The following PCDHGA6 variants were observed in gnomAD, a reference collection of about 807,000 sequenced individuals.
The protein encoded by PCDHGA6 is protocadherin gamma subfamily A, 6, also known as protocadherin gamma-A6.
In PCDHGA6, 41 loss-of-function variants were observed where a neutral mutation model predicts 60.6. The ratio of observed to expected loss-of-function variants is 0.68; its 90% CI spans 0.53 to 0.88. PCDHGA6 has a LOEUF of 0.88. Ranked by LOEUF, PCDHGA6 falls within the 40% of genes least tolerant of loss-of-function variation. The pLI is 0.00. For synonymous variants in PCDHGA6, 594 were observed against 524.4 expected (o/e 1.13, Z -1.81); for missense variants, 1,312 against 1,203.0 (o/e 1.09, Z -1.34).
At chr5:141,409,776 T>C in intron 1 of PCDHGA6, 1 of 1,612,708 alleles carries the variant, frequency 6.2e-7, no homozygotes, top group Non-Finnish European at 8.5e-7. Context: ...CACGAGCAGC[T>C]GCGCGCCTTC....
At chr5:141,422,142 G>T in intron 1 of PCDHGA6, 1 of 1,583,694 alleles carries the variant, frequency 6.3e-7, no homozygotes, top group Non-Finnish European at 8.5e-7. Flanking sequence ...TTCAAGTACG[G>T]GGGTCTCTGG....
chr5:141,438,635 TACACAC>T (rs56854727), intron 1 of PCDHGA6, among the ~76,000 whole-genome samples: 557 of 33,182 alleles, frequency 0.017, 8 homozygotes, highest in South Asian at 0.028. Flanking sequence ...TATATATATA[TACACAC>T]ACACACACAC....
chr5:141,465,627 A>C lies in PCDHGA6; in HGVS notation c.2425-29180A>C, dbSNP rs370355596. 1.1e-4 allele frequency among the ~76,000 whole-genome samples: 17 copies of C among 152,326 alleles called. 1 individual carries two copies. The South Asian group carries it at 3.3e-3, about 30-fold the overall frequency. On this transcript the variant is annotated intron_variant, in intron 1 of 3. Coordinates refer to ENST00000517434, the MANE Select transcript of PCDHGA6 (RefSeq NM_018919.3). ...TCTTTGGCCCTCCAGGAAGTCAACCAGCAAAATGCTTTGAACATCCCAAAA... is the reference window on the plus strand; with the variant it reads ...TCTTTGGCCCTCCAGGAAGTCAACCCGCAAAATGCTTTGAACATCCCAAAA...
chr5:141,422,723 G>A lies in PCDHGA6; in HGVS notation c.2424+46216G>A. The stretch of plus-strand genomic sequence containing the variant: ...TCTCTGACGGATGACACTGTCCAGG[G>A]GGTGCCTCTGTCCTCCTATGTCTCT... On this transcript the variant is annotated intron_variant, in intron 1 of 3. Coordinates refer to ENST00000517434, the MANE Select transcript of PCDHGA6 (RefSeq NM_018919.3). The A allele has an allele frequency of 1.2e-6, 2 of 1,605,958 alleles. No homozygotes were observed. The highest frequency in any genetic ancestry group is 1.7e-6 in the Non-Finnish European group (2 of 1,175,478).
chr5:141,445,825 G>A (rs1031190864), intron 1 of PCDHGA6, among the ~76,000 whole-genome samples: 8 of 152,124 alleles, frequency 5.3e-5, no homozygotes, highest in Non-Finnish European at 1.2e-4. Context: ...AATAAGGCAG[G>A]GAGAGCCTTG....
At position 141,374,383 on chromosome 5, in the gene PCDHGA6, G is replaced by A. The variant is rs192911480; in HGVS notation, c.300G>A (p.Pro100=). The change falls in exon 1 of 4, where the codon CCG becomes CCA. Residue 100 remains proline, a synonymous_variant. Transcript: ENST00000517434. The part of the protein sequence containing the change: ...IDREELCAQS[P]RCLVSFNILV... ...GCGAGGAGCTCTGTGCTCAGAGCCC[G>A]CGGTGTCTGGTGAGTTTTAACATCC... is the stretch of plus-strand genomic sequence containing the variant. 3.7e-6 allele frequency: 6 copies of A among 1,614,036 alleles called. No homozygotes were observed. In the African/African-American group the frequency reaches 8.0e-5, roughly 22 times the overall value.
chr5:141,473,857 G>A (rs981688765), intron 1 of PCDHGA6, among the ~76,000 whole-genome samples: 1 of 152,164 alleles, frequency 6.6e-6, no homozygotes, highest in Non-Finnish European at 1.5e-5. Context: ...GATGAACCTC[G>A]CTATTGTGGA....
chr5:141,408,299 A>C, intron 1 of PCDHGA6: 1 of 1,613,662 alleles, frequency 6.2e-7, no homozygotes, highest in Non-Finnish European at 8.5e-7. Context: ...GAGTGAGCCG[A>C]TCCGCTACTC....
intron 1 of PCDHGA6, chr5:141,420,220 A>G (rs2096478738): frequency 6.2e-7 from 1 of 1,608,142 alleles, no homozygotes; most frequent in African/African-American, 1.3e-5. Flanking sequence ...ATAGCATGCT[A>G]CTGGCTAGCA....
intron 1 of PCDHGA6, chr5:141,412,149 C>G (rs1369304212): frequency 2.0e-5 from 3 of 152,146 alleles, no homozygotes; most frequent in African/African-American, 7.2e-5. Flanking sequence ...TACAAACTGC[C>G]TAAGAGAAGA....
Position 141,476,278 on chromosome 5 carries a change from T to C in PCDHGA6, c.2425-18529T>C, listed in dbSNP as rs746655724. On this transcript the variant is annotated intron_variant, in intron 1 of 3. Transcript: ENST00000517434. The surrounding 1 kb of genome is among the most constrained non-coding windows in gnomAD (Gnocchi z 7.6). ...CTGTGGGCAACGTGGTCGCGAACCTTGGTTTGGATCTCGGTAGCCTCTCAG... is the reference window on the plus strand; with the variant it reads ...CTGTGGGCAACGTGGTCGCGAACCTCGGTTTGGATCTCGGTAGCCTCTCAG... The C allele has an allele frequency of 3.2e-5, 52 of 1,613,758 alleles. No homozygotes were observed. Among genetic ancestry groups the C allele is most frequent in the Non-Finnish European group, 4.2e-5 (49 of 1,179,958 alleles).
At chr5:141,389,982 C>T in intron 1 of PCDHGA6, 1 of 1,614,034 alleles carries the variant, frequency 6.2e-7, no homozygotes, top group Non-Finnish European at 8.5e-7. Context: ...GATCTCAGTG[C>T]TCTTCCTCGT....
At position 141,374,981 on chromosome 5, in the gene PCDHGA6, G is replaced by A. The variant is rs761282613; in HGVS notation, c.898G>A (p.Glu300Lys). The change falls in exon 1 of 4, where the codon GAA becomes AAA. Residue 300 changes from glutamate to lysine, a missense_variant. Glu to Lys is a moderately conservative substitution (Grantham distance 56). Transcript: ENST00000517434. ...TTTCTGTTTGAATGTTTTGACTGGA[G>A]AAATTTCAACTTCTGCAAATCTAGA... is the stretch of plus-strand genomic sequence containing the variant. ...QIFCLNVLTG[E>K]ISTSANLDYE... 1 of 1,614,036 alleles carries A rather than the reference G, an allele frequency of 6.2e-7. No individual in the cohort carries two copies. Among genetic ancestry groups the A allele is most frequent in the Non-Finnish European group, 8.5e-7 (1 of 1,179,896 alleles).
Position 141,432,331 on chromosome 5 carries a change from G to A in PCDHGA6, c.2424+55824G>A, listed in dbSNP as rs763952193. Reference sequence around the variant, plus strand: ...CGCTGAGCTCCTTCGACTACGAGCAGTTCCGAGACTTGCAAGTGAAAGTGA... The same window carrying A: ...CGCTGAGCTCCTTCGACTACGAGCAATTCCGAGACTTGCAAGTGAAAGTGA... On this transcript the variant is annotated intron_variant, in intron 1 of 3. Transcript: ENST00000517434. The surrounding 1 kb of genome is among the most constrained non-coding windows in gnomAD (Gnocchi z 6.0). The A allele has an allele frequency of 1.2e-6, 2 of 1,614,278 alleles. No individual in the cohort carries two copies. Among genetic ancestry groups the A allele is most frequent in the East Asian group, 2.2e-5 (1 of 44,888 alleles).
chr5:141,434,838 A>G (rs1363952147), intron 1 of PCDHGA6, among the ~76,000 whole-genome samples: 1 of 152,022 alleles, frequency 6.6e-6, no homozygotes, highest in Non-Finnish European at 1.5e-5. Context: ...GGCATTTATA[A>G]AGCAGACATC....
intron 1 of PCDHGA6, chr5:141,404,948 G>A (rs756928954): frequency 3.1e-6 from 5 of 1,613,838 alleles, no homozygotes; most frequent in African/African-American, 1.3e-5. Flanking sequence ...AGCCATAGCT[G>A]ACAGCATCCC....
chr5:141,384,958 T>C, intron 1 of PCDHGA6: 1 of 1,613,954 alleles, frequency 6.2e-7, no homozygotes, highest in Non-Finnish European at 8.5e-7. Flanking sequence ...TCCTTACAAC[T>C]ATGACCTCAC....
chr5:141,390,300 T>C, intron 1 of PCDHGA6: 2 of 1,613,822 alleles, frequency 1.2e-6, no homozygotes, highest in Non-Finnish European at 1.7e-6. Flanking sequence ...CCTTTAAGTA[T>C]AATTTAATGC....
chr5:141,509,663 G>A (rs933532930), intron 3 of PCDHGA6, among the ~76,000 whole-genome samples: 1 of 152,140 alleles, frequency 6.6e-6, no homozygotes, highest in Non-Finnish European at 1.5e-5. Context: ...ACTTCTCTGG[G>A]CCCCAGTTTC....
Sources: gnomAD v4.1 joint callset for allele counts (sites outside exome capture counted in the v4.1 genomes callset) on GRCh38, gnomAD v4.1.1 for gene constraint, Gnocchi (gnomAD v3.1) non-coding constraint, MANE v1.5 for transcripts, NCBI Gene and HGNC (gene_info 2026-07-23, HGNC 2026-07-21) for gene names.